FCF1: variants seen among roughly 807,000 people sequenced by gnomAD.
FCF1 encodes rRNA-processing protein FCF1 homolog.
Under a neutral mutation model 32.5 loss-of-function variants are expected in FCF1, and 17 were observed. The ratio of observed to expected loss-of-function variants is 0.52; its 90% CI spans 0.36 to 0.78. The LOEUF (loss-of-function observed/expected upper bound fraction) is 0.78. Among genes scored for constraint, FCF1 ranks in the 30% least tolerant of loss-of-function variants. FCF1 has a pLI of 0.00. For synonymous variants in FCF1, 84 were observed against 78.4 expected, an observed-to-expected ratio of 1.07 and a Z score of -0.38; for missense variants, 201 against 241.1, an observed-to-expected ratio of 0.83 and a Z score of 1.10.
chr14:74,735,072 G>A lies in FCF1; in HGVS notation c.*142G>A. ...AGATATTTATTATTTAGGTGCACCA[G>A]CCCAGTCAGATTAACATCCAAAGGA... On this transcript the variant is annotated 3_prime_UTR_variant, in exon 8 of 8. Coordinates refer to ENST00000341162, the MANE Select transcript of FCF1 (RefSeq NM_015962.5). 1.4e-6 allele frequency: 1 copy of A among 696,496 alleles called. No individual in the cohort carries two copies. The highest frequency in any genetic ancestry group is 2.5e-6 in the Non-Finnish European group (1 of 399,798). The allele number at this position is 696,496 out of a possible 1,614,324, so 43.1% of individuals were successfully genotyped here.
chr14:74,720,373 A>T (rs376272256), intron 4 of FCF1, among the ~76,000 whole-genome samples: 74 of 152,142 alleles, frequency 4.9e-4, no homozygotes, highest in African/African-American at 1.7e-3. Flanking sequence ...CATTCTCTCT[A>T]TTTCTAGGCA....
intron 5 of FCF1, among the ~76,000 whole-genome samples, chr14:74,725,422 G>T (rs927320818): frequency 1.5e-5 from 2 of 130,666 alleles, no homozygotes; most frequent in African/African-American, 5.9e-5. Flanking sequence ...GGAGGTTTCA[G>T]TGAGCTGAGG....
At chr14:74,717,467 G>C (rs2090436801) in intron 4 of FCF1, among the ~76,000 whole-genome samples, 1 of 152,188 alleles carries the variant, frequency 6.6e-6, no homozygotes, top group Non-Finnish European at 1.5e-5. Context: ...CTTCTCTACA[G>C]ATCAGAATTG....
intron 4 of FCF1, among the ~76,000 whole-genome samples, chr14:74,717,349 TAA>T (rs904512361): frequency 7.2e-6 from 1 of 139,364 alleles, no homozygotes; most frequent in Admixed American, 7.2e-5. Flanking sequence ...AAACTCCATC[TAA>T]AAAAAAAAAA....
At chr14:74,715,809 C>T (rs757563923) in intron 3 of FCF1, 142 bp from the exon 4 acceptor site, 111 of 1,580,316 alleles carry the variant, frequency 7.0e-5, no homozygotes, top group Non-Finnish European at 8.4e-5. Flanking sequence ...TCTTCCTTGC[C>T]TTCCTTTTTA....
intron 4 of FCF1, among the ~76,000 whole-genome samples, chr14:74,716,902 A>G (rs1190549609): frequency 6.6e-6 from 1 of 152,238 alleles, no homozygotes; most frequent in Non-Finnish European, 1.5e-5. Flanking sequence ...TATATAATGA[A>G]CAACAGTTGC....
chr14:74,731,637 C>T (rs1566721785), intron 5 of FCF1, among the ~76,000 whole-genome samples: 1 of 152,182 alleles, frequency 6.6e-6, no homozygotes, highest in African/African-American at 2.4e-5. Context: ...GTTTACTCTT[C>T]CCCAAATACC....
chr14:74,725,233 G>C (rs147464129), intron 5 of FCF1, among the ~76,000 whole-genome samples: 203 of 151,542 alleles, frequency 1.3e-3, no homozygotes, highest in Middle Eastern at 3.4e-3. Context: ...GCTCATGCCT[G>C]TAATCCCAGA....
chr14:74,732,966 G>A (rs185781128), intron 6 of FCF1, 148 bp downstream of exon 6: 516 of 560,566 alleles, frequency 9.2e-4, no homozygotes, highest in Non-Finnish European at 1.5e-3. Flanking sequence ...TTCATAAGAA[G>A]CATAGGTGTC....
intron 5 of FCF1, among the ~76,000 whole-genome samples, chr14:74,729,445 GAT>G (rs1319893500): frequency 6.6e-6 from 1 of 152,128 alleles, no homozygotes; most frequent in African/African-American, 2.4e-5. Context: ...GATCGGTGAT[GAT>G]ATCCCCTTTA....
intron 4 of FCF1, among the ~76,000 whole-genome samples, chr14:74,719,811 G>A (rs2090476374): frequency 6.6e-6 from 1 of 152,000 alleles, no homozygotes; most frequent in Non-Finnish European, 1.5e-5. Context: ...TTCCTCAAAG[G>A]AGCAATTATA....
intron 2 of FCF1, 21 bp downstream of exon 2, chr14:74,713,573 G>A (rs995205994): frequency 6.3e-7 from 1 of 1,596,558 alleles, no homozygotes; most frequent in Non-Finnish European, 8.6e-7. Context: ...GGAATCAACT[G>A]CCCAGGGATA....
chr14:74,726,036 A>G (rs920133803), intron 5 of FCF1, among the ~76,000 whole-genome samples: 3 of 151,862 alleles, frequency 2.0e-5, no homozygotes, highest in African/African-American at 7.3e-5. Flanking sequence ...TCCAGCCCCA[A>G]AAACAAAGTG....
Position 74,735,789 on chromosome 14 carries a change from T to C in FCF1, c.*859T>C, listed in dbSNP as rs2090700062. On this transcript the variant is annotated 3_prime_UTR_variant, in exon 8 of 8. Coordinates refer to ENST00000341162, the MANE Select transcript of FCF1 (RefSeq NM_015962.5). ...ATATTTTTAGTAGAGACAAATACTTTTGTATTTTTAATACAGAAAAGTATG... is the reference window on the plus strand; with the variant it reads ...ATATTTTTAGTAGAGACAAATACTTCTGTATTTTTAATACAGAAAAGTATG... 6.6e-6 allele frequency: 1 copy of C among 152,386 alleles called. No individual in the cohort carries two copies. Among genetic ancestry groups the C allele is most frequent in the Admixed American group, 6.6e-5 (1 of 15,258 alleles). The allele number at this position is 152,386 out of a possible 1,614,324, so 9.4% of individuals were successfully genotyped here.
At chr14:74,727,077 G>T (rs1176998376) in intron 5 of FCF1, among the ~76,000 whole-genome samples, 6 of 152,140 alleles carry the variant, frequency 3.9e-5, no homozygotes, top group Non-Finnish European at 7.3e-5. Context: ...ACATGTGCAT[G>T]TGCCTTTATA....
chr14:74,714,466 C>T (rs375279507), intron 2 of FCF1, among the ~76,000 whole-genome samples: 1 of 152,004 alleles, frequency 6.6e-6, no homozygotes, highest in Admixed American at 6.6e-5. Flanking sequence ...CATTTTAGCC[C>T]TTTATAAGAA....
intron 2 of FCF1, 58 bp downstream of exon 2, chr14:74,713,610 G>T: frequency 6.9e-7 from 1 of 1,448,882 alleles, no homozygotes; most frequent in South Asian, 1.2e-5. Context: ...GAGAGGATAA[G>T]TAGTAAAAAT....
chr14:74,719,490 G>A (rs181672851), intron 4 of FCF1, among the ~76,000 whole-genome samples: 203 of 152,128 alleles, frequency 1.3e-3, no homozygotes, highest in Middle Eastern at 3.4e-3. Context: ...GCTGGGCATG[G>A]TGGCTCATGC....
intron 7 of FCF1, 118 bp downstream of exon 7, chr14:74,734,288 T>G: frequency 1.6e-6 from 1 of 606,084 alleles, no homozygotes. Context: ...AATGTTTACA[T>G]AGTTATATTT....
Sources: allele counts gnomAD v4.1 joint callset (sites outside exome capture counted in the v4.1 genomes callset), GRCh38; gene constraint gnomAD v4.1.1; transcripts MANE v1.5; gene names NCBI Gene and HGNC (gene_info 2026-07-23, HGNC 2026-07-21).